The following CCSER1 variants were observed in gnomAD, a reference collection of about 807,000 sequenced individuals.
CCSER1 encodes serine-rich coiled-coil domain-containing protein 1.
A neutral mutation model predicts 82.0 loss-of-function variants in CCSER1; 41 were observed. The observed-to-expected ratio is 0.50, with a 90% CI of 0.39 to 0.65. The LOEUF is 0.65. Among genes scored for constraint, CCSER1 ranks in the 30% least tolerant of loss-of-function variants. CCSER1 has a pLI of 0.00. For synonymous variants in CCSER1, 414 were observed against 383.9 expected, an observed-to-expected ratio of 1.08 and a Z score of -0.92; for missense variants, 1,119 against 1,064.2, an observed-to-expected ratio of 1.05 and a Z score of -0.72.
intron 1 of CCSER1, among the ~76,000 whole-genome samples, chr4:90,154,520 G>A (rs1458022062): frequency 6.6e-6 from 1 of 150,960 alleles, no homozygotes; most frequent in African/African-American, 2.4e-5. Flanking sequence ...AGCATGGAAT[G>A]TTCTTCCATT....
intron 8 of CCSER1, among the ~76,000 whole-genome samples, chr4:90,905,698 C>T (rs574696513): frequency 5.5e-4 from 83 of 152,224 alleles, no homozygotes; most frequent in African/African-American, 1.1e-3. Context: ...AACAATGACC[C>T]TTTGCTTACA....
At position 91,124,385 on chromosome 4, in the gene CCSER1, A is replaced by G. The variant is rs568994855; in HGVS notation, c.2217+38391A>G. On this transcript the variant is annotated intron_variant, in intron 10 of 10. Transcript: ENST00000509176. ...TGGTTGAGACTCTCTACAAACCTGAATATATAATTTCTCATACCTAATGCC... is the reference window on the plus strand; with the variant it reads ...TGGTTGAGACTCTCTACAAACCTGAGTATATAATTTCTCATACCTAATGCC... 2.2e-4 allele frequency among the ~76,000 whole-genome samples: 33 copies of G among 151,906 alleles called. 2 individuals are homozygous for G. The South Asian group carries it at 6.6e-3, about 31-fold the overall frequency.
chr4:90,465,485 T>A (rs1189605270), intron 4 of CCSER1, among the ~76,000 whole-genome samples: 3 of 152,120 alleles, frequency 2.0e-5, no homozygotes, highest in Non-Finnish European at 4.4e-5. Context: ...CATGCCTGGC[T>A]AATTTTTTGT....
chr4:90,644,103 A>C (rs1727057201), intron 6 of CCSER1, among the ~76,000 whole-genome samples: 1 of 152,244 alleles, frequency 6.6e-6, no homozygotes, highest in Non-Finnish European at 1.5e-5. Context: ...TTCTTTTGCT[A>C]GTTCACAGGA....
chr4:91,225,137 C>A (rs932418794), intron 10 of CCSER1, among the ~76,000 whole-genome samples: 1 of 140,822 alleles, frequency 7.1e-6, no homozygotes, highest in Non-Finnish European at 1.5e-5. Flanking sequence ...TAGAGTTTTA[C>A]CTGGAAACAA....
At chr4:90,894,036 GA>G (rs1410678329) in intron 8 of CCSER1, among the ~76,000 whole-genome samples, 1 of 151,940 alleles carries the variant, frequency 6.6e-6, no homozygotes, top group Non-Finnish European at 1.5e-5. Context: ...TAGATGTTCT[GA>G]AATAGGGCCT....
chr4:90,323,418 C>T (rs1032182226), intron 3 of CCSER1, among the ~76,000 whole-genome samples: 3 of 152,168 alleles, frequency 2.0e-5, no homozygotes, highest in Non-Finnish European at 4.4e-5. Context: ...AGCTCAGATT[C>T]CTACCCCTAG....
intron 4 of CCSER1, among the ~76,000 whole-genome samples, chr4:90,441,198 G>T (rs573763023): frequency 6.6e-6 from 1 of 152,136 alleles, no homozygotes; most frequent in South Asian, 2.1e-4. Flanking sequence ...CTAGACACCT[G>T]AATACTTGGA....
chr4:90,226,806 T>C (rs574461432), intron 1 of CCSER1, among the ~76,000 whole-genome samples: 1 of 152,294 alleles, frequency 6.6e-6, no homozygotes, highest in Admixed American at 6.5e-5. Context: ...CTCCCAAACC[T>C]TTAGAATCCT....
chr4:90,542,067 C>A (rs140464097), intron 5 of CCSER1, among the ~76,000 whole-genome samples: 1 of 151,860 alleles, frequency 6.6e-6, no homozygotes, highest in Non-Finnish European at 1.5e-5. Context: ...AATAGTCATA[C>A]GACTCAATAT....
intron 1 of CCSER1, among the ~76,000 whole-genome samples, chr4:90,261,627 G>T (rs1724348974): frequency 6.6e-6 from 1 of 152,090 alleles, no homozygotes; most frequent in South Asian, 2.1e-4. Flanking sequence ...TGTGCTTCTT[G>T]TATTTGGATA....
chr4:90,225,302 C>T (rs1404583830), intron 1 of CCSER1, among the ~76,000 whole-genome samples: 2 of 148,186 alleles, frequency 1.3e-5, no homozygotes, highest in African/African-American at 5.0e-5. Flanking sequence ...TCTCAGACTC[C>T]TGGGTTCAAG....
chr4:90,312,767 A>G (rs1735528516), intron 2 of CCSER1, 96 bp from the exon 3 acceptor site: 2 of 945,248 alleles, frequency 2.1e-6, no homozygotes, highest in South Asian at 3.5e-5. Flanking sequence ...GAAACTTTGA[A>G]TAACACTAAG....
At chr4:91,446,813 G>A (rs1011858390) in intron 10 of CCSER1, among the ~76,000 whole-genome samples, 2 of 151,346 alleles carry the variant, frequency 1.3e-5, no homozygotes, top group Non-Finnish European at 2.9e-5. Context: ...TAGATATTTA[G>A]GTTATTTCAG....
chr4:91,497,826 G>A (rs1008532509), intron 10 of CCSER1, among the ~76,000 whole-genome samples: 7 of 152,008 alleles, frequency 4.6e-5, no homozygotes, highest in African/African-American at 1.4e-4. Context: ...GATATTTAAT[G>A]TTTTATGATG....
intron 10 of CCSER1, among the ~76,000 whole-genome samples, chr4:91,481,976 T>C (rs1322100460): frequency 6.6e-6 from 1 of 152,126 alleles, no homozygotes; most frequent in African/African-American, 2.4e-5. Flanking sequence ...GAACAGACAC[T>C]TCTCAAAAGA....
chr4:90,934,116 AAAG>A (rs1730626355), intron 9 of CCSER1, among the ~76,000 whole-genome samples: 1 of 151,980 alleles, frequency 6.6e-6, no homozygotes, highest in Non-Finnish European at 1.5e-5. Flanking sequence ...TGTAACAGTT[AAAG>A]AAGAAAAACA....
chr4:90,569,913 C>T (rs913272638), intron 5 of CCSER1, among the ~76,000 whole-genome samples: 7 of 152,172 alleles, frequency 4.6e-5, no homozygotes, highest in Non-Finnish European at 7.3e-5. Context: ...CAGATTCCAC[C>T]GCCCCCATCT....
At chr4:90,766,021 A>T (rs1580367065) in intron 7 of CCSER1, among the ~76,000 whole-genome samples, 1 of 151,970 alleles carries the variant, frequency 6.6e-6, no homozygotes. Context: ...TAGCAGGAAC[A>T]TTAAAGGCAT....
Sources: allele counts gnomAD v4.1 joint callset (sites outside exome capture counted in the v4.1 genomes callset), GRCh38; gene constraint gnomAD v4.1.1; transcripts MANE v1.5; gene names NCBI Gene and HGNC (gene_info 2026-07-23, HGNC 2026-07-21).